PCDHGA2: variants seen among roughly 807,000 people sequenced by gnomAD.
The protein encoded by PCDHGA2 is protocadherin gamma subfamily A, 2, also known as protocadherin gamma-A2.
PCDHGA2 carries 40 observed loss-of-function variants against 59.2 expected under a neutral mutation model. The ratio of observed to expected loss-of-function variants is 0.68; its 90% confidence interval spans 0.52 to 0.88. The LOEUF is 0.88. Among genes scored for constraint, PCDHGA2 ranks in the 40% least tolerant of loss-of-function variants. The pLI, the probability that PCDHGA2 is intolerant of heterozygous loss-of-function variation, is 0.00. For synonymous variants in PCDHGA2, 560 were observed against 526.0 expected, an observed-to-expected ratio of 1.06 and a Z score of -0.89; for missense variants, 1,226 against 1,204.0, an observed-to-expected ratio of 1.02 and a Z score of -0.27.
chr5:141,410,018 T>C (rs773806211), intron 1 of PCDHGA2: 1 of 1,613,166 alleles, frequency 6.2e-7, no homozygotes, highest in African/African-American at 1.3e-5. Context: ...CTGGCTGTCC[T>C]ACCACGTGCT....
chr5:141,482,248 C>G (rs1056466272), intron 1 of PCDHGA2, among the ~76,000 whole-genome samples: 1 of 152,084 alleles, frequency 6.6e-6, no homozygotes, highest in African/African-American at 2.4e-5. Context: ...AAGTATAGTA[C>G]TGTACATATT....
chr5:141,474,961 AATC>A (rs2099357151), intron 1 of PCDHGA2, among the ~76,000 whole-genome samples: 1 of 152,254 alleles, frequency 6.6e-6, no homozygotes, highest in African/African-American at 2.4e-5. Flanking sequence ...TCACTATCCT[AATC>A]ATTATAATTT....
At chr5:141,464,600 C>T (rs970370250) in intron 1 of PCDHGA2, among the ~76,000 whole-genome samples, 24 of 152,118 alleles carry the variant, frequency 1.6e-4, no homozygotes, top group Admixed American at 1.1e-3. Flanking sequence ...CCATAGTCTC[C>T]TTTGCAGAGT....
chr5:141,404,298 C>A, intron 1 of PCDHGA2: 3 of 1,613,868 alleles, frequency 1.9e-6, no homozygotes, highest in Non-Finnish European at 2.5e-6. Flanking sequence ...AATGATAATC[C>A]ACCTGCTTTC....
intron 1 of PCDHGA2, chr5:141,343,748 G>A (rs1757318333): frequency 5.9e-6 from 2 of 336,150 alleles, no homozygotes; most frequent in Non-Finnish European, 1.1e-5. Flanking sequence ...TAATGTGTCT[G>A]AGAGGATGCA....
intron 1 of PCDHGA2, among the ~76,000 whole-genome samples, chr5:141,467,854 T>C (rs1337373000): frequency 6.6e-6 from 1 of 151,968 alleles, no homozygotes; most frequent in Admixed American, 6.6e-5. Flanking sequence ...GAATGAGATT[T>C]CACCATGTTG....
chr5:141,376,249 A>G (rs1433359020), intron 1 of PCDHGA2: 1 of 1,614,042 alleles, frequency 6.2e-7, no homozygotes, highest in Non-Finnish European at 8.5e-7. Context: ...GGCACAAGTC[A>G]CGCCTGCTGC....
rs753994650 is a variant in PCDHGA2 at position 141,362,173 on chromosome 5, G to A, written c.2424+20778G>A. ...ATTGCCAGACCTCAGCGACCGCCGG[G>A]AGCCCTCTGACCCCCAGGCAAAACT... On this transcript the variant is annotated intron_variant, in intron 1 of 3. Transcript: ENST00000394576. 8.7e-6 allele frequency: 14 copies of A among 1,614,042 alleles called. No individual in the cohort carries two copies. In the South Asian group the frequency reaches 1.4e-4, roughly 16 times the overall value.
chr5:141,478,364 G>A (rs1382073187), intron 1 of PCDHGA2: 2 of 1,613,660 alleles, frequency 1.2e-6, no homozygotes, highest in African/African-American at 2.7e-5. Flanking sequence ...CGTGCGGGGA[G>A]GCCTGATGTC....
Position 141,371,905 on chromosome 5 carries a change from A to C in PCDHGA2, c.2424+30510A>C, listed in dbSNP as rs768388601. 6 of 1,613,358 alleles carry C rather than the reference A, an allele frequency of 3.7e-6. No homozygotes were observed. In the South Asian group the frequency reaches 6.6e-5, roughly 18 times the overall value. On this transcript the variant is annotated intron_variant, in intron 1 of 3. Coordinates refer to ENST00000394576, the MANE Select transcript of PCDHGA2 (RefSeq NM_018915.4). ...CTGGAGCCGCGGGAGCTGTCGTCCTACGTGTCCGTGAGCGCGCGGAGCGGG... is the reference window on the plus strand; with the variant it reads ...CTGGAGCCGCGGGAGCTGTCGTCCTCCGTGTCCGTGAGCGCGCGGAGCGGG...
chr5:141,505,267 A>G (rs2099845018), intron 2 of PCDHGA2, 126 bp from the exon 3 acceptor site: 1 of 1,514,640 alleles, frequency 6.6e-7, no homozygotes, highest in Admixed American at 2.0e-5. Flanking sequence ...TACCTTGCTG[A>G]GAGAAACAGG....
chr5:141,431,685 A>C lies in PCDHGA2; in HGVS notation c.2425-63122A>C. The C allele has an allele frequency of 6.2e-7, 1 of 1,614,246 alleles. No homozygotes were observed. Among genetic ancestry groups the C allele is most frequent in the East Asian group, 2.2e-5 (1 of 44,876 alleles). ...ATATCAACAATAGGGGAGTTGGACCACGAGGAGTCAGGATTCTACCAGATG... is the reference window on the plus strand; with the variant it reads ...ATATCAACAATAGGGGAGTTGGACCCCGAGGAGTCAGGATTCTACCAGATG... On this transcript the variant is annotated intron_variant, in intron 1 of 3. Transcript: ENST00000394576. This position sits in a 1 kb window ranked among gnomAD's most constrained non-coding sequence, Gnocchi z 4.8.
intron 1 of PCDHGA2, among the ~76,000 whole-genome samples, chr5:141,484,107 A>C (rs13361997): frequency 0.24 from 37,195 of 152,070 alleles, 6,332 homozygotes; most frequent in African/African-American, 0.48. Context: ...TAATTAACAA[A>C]AGATCAAGAA....
chr5:141,431,513 C>G lies in PCDHGA2; in HGVS notation c.2425-63294C>G. ...TCAGCCCGAGTACCGCGCGAGCGTT[C>G]CGGAGAATCTGGCCTTGGGCACGCA... On this transcript the variant is annotated intron_variant, in intron 1 of 3. Transcript: ENST00000394576. The surrounding 1 kb of genome is among the most constrained non-coding windows in gnomAD (Gnocchi z 4.8). 6.2e-7 allele frequency: 1 copy of G among 1,614,022 alleles called. No homozygotes were observed. Among genetic ancestry groups the G allele is most frequent in the South Asian group, 1.1e-5 (1 of 91,088 alleles).
chr5:141,357,649 C>T (rs766421079), intron 1 of PCDHGA2: 1 of 1,609,184 alleles, frequency 6.2e-7, no homozygotes, highest in South Asian at 1.1e-5. Flanking sequence ...TAGATCATAC[C>T]ACACTGAAAT....
In PCDHGA2 at chr5:141,340,182, T is replaced by C. The variant is rs1249501921; in HGVS notation, c.1211T>C (p.Leu404Pro). 6.2e-7 allele frequency: 1 copy of C among 1,614,240 alleles called. No homozygotes were observed. Among genetic ancestry groups the C allele is most frequent in the Non-Finnish European group, 8.5e-7 (1 of 1,180,038 alleles). The change falls in exon 1 of 4, where the codon CTG becomes CCG. Residue 404 changes from leucine (L) to proline (P), a missense_variant. Transcript: ENST00000394576. ...AAGTCAGTAGACAATTACTACCGAC[T>C]GGTTACAACCAGAGCCCTTGACAGG... Reference protein sequence around the residue: ...LEKSVDNYYRLVTTRALDREQ... With the variant: ...LEKSVDNYYRPVTTRALDREQ...
Position 141,491,140 on chromosome 5 carries a change from T to A in PCDHGA2, c.2425-3667T>A, listed in dbSNP as rs1392575961. On this transcript the variant is annotated intron_variant, in intron 1 of 3. Coordinates refer to ENST00000394576, the MANE Select transcript of PCDHGA2 (RefSeq NM_018915.4). This position sits in a 1 kb window ranked among gnomAD's most constrained non-coding sequence, Gnocchi z 6.9. ...TGGTGAGGTGCGCACAGCCCGGGCC[T>A]TACTGGAGGATGACTCTGACACCCA... 2 of 1,614,110 alleles carry A rather than the reference T, an allele frequency of 1.2e-6. No individual in the cohort carries two copies. Among genetic ancestry groups the A allele is most frequent in the Non-Finnish European group, 1.7e-6 (2 of 1,179,992 alleles).
chr5:141,409,997 G>T, intron 1 of PCDHGA2: 3 of 1,613,224 alleles, frequency 1.9e-6, no homozygotes, highest in Non-Finnish European at 2.5e-6. Flanking sequence ...CGCCGACTCG[G>T]GACACAACGC....
At chr5:141,404,080 C>T (rs369802030) in intron 1 of PCDHGA2, 6 of 1,613,516 alleles carry the variant, frequency 3.7e-6, no homozygotes, top group Non-Finnish European at 4.2e-6. Context: ...ACCGAGACTC[C>T]GGGAAGAATG....
Sources: allele counts gnomAD v4.1 joint callset (sites outside exome capture counted in the v4.1 genomes callset), GRCh38; gene constraint gnomAD v4.1.1; non-coding constraint Gnocchi (gnomAD v3.1); transcripts MANE v1.5; gene names NCBI Gene and HGNC (gene_info 2026-07-23, HGNC 2026-07-21).